UTRN: variants seen among roughly 807,000 people sequenced by gnomAD.
UTRN encodes the protein utrophin.
In UTRN, 283 loss-of-function variants were observed where a neutral mutation model predicts 463.9. That is an observed-to-expected ratio of 0.61 (90% confidence interval 0.55 to 0.67). The LOEUF is 0.67. Ranked by LOEUF, UTRN falls within the 30% of genes least tolerant of loss-of-function variation. The pLI is 0.00. For missense variants in UTRN, 3,922 were observed against 4,084.3 expected, an observed-to-expected ratio of 0.96 and a Z score of 1.08; for synonymous variants, 1,442 against 1,431.5, an observed-to-expected ratio of 1.01 and a Z score of -0.17.
intron 6 of UTRN, among the ~76,000 whole-genome samples, chr6:144,424,943 CTT>C (rs954661057): frequency 3.4e-4 from 52 of 151,998 alleles, no homozygotes; most frequent in Admixed American, 2.3e-3. Flanking sequence ...AATATGAAAA[CTT>C]AGTATATAAT....
intron 50 of UTRN, among the ~76,000 whole-genome samples, chr6:144,562,194 TAAAAA>T (rs1193621873): frequency 6.6e-6 from 1 of 152,130 alleles, no homozygotes; most frequent in East Asian, 1.9e-4. Context: ...ATTATTTATT[TAAAAA>T]AATATTTTAT....
intron 2 of UTRN, among the ~76,000 whole-genome samples, chr6:144,319,982 T>C (rs1370625638): frequency 6.6e-6 from 1 of 152,000 alleles, no homozygotes; most frequent in Non-Finnish European, 1.5e-5. Context: ...GTCTCCTGAA[T>C]AGTTGGGATT....
intron 54 of UTRN, among the ~76,000 whole-genome samples, chr6:144,744,350 G>GTA: frequency 7.3e-6 from 1 of 136,294 alleles, no homozygotes; most frequent in Non-Finnish European, 1.5e-5. Flanking sequence ...GTGTGTGTGT[G>GTA]TGTATAAAAT....
intron 2 of UTRN, among the ~76,000 whole-genome samples, chr6:144,310,454 T>A (rs555063266): frequency 7.5e-4 from 114 of 151,498 alleles, no homozygotes; most frequent in Middle Eastern, 3.4e-3. Context: ...GAGAATCGCT[T>A]GAACCTGGGA....
intron 51 of UTRN, among the ~76,000 whole-genome samples, chr6:144,604,026 C>G (rs1804551330): frequency 6.6e-6 from 1 of 152,136 alleles, no homozygotes; most frequent in Non-Finnish European, 1.5e-5. Flanking sequence ...CTCCATTTTT[C>G]TGCTTCCTTG....
At chr6:144,565,704 C>T (rs930760668) in intron 50 of UTRN, among the ~76,000 whole-genome samples, 14 of 152,250 alleles carry the variant, frequency 9.2e-5, no homozygotes, top group African/African-American at 3.4e-4. Flanking sequence ...TAGGATGACA[C>T]AGCACACTAT....
intron 41 of UTRN, among the ~76,000 whole-genome samples, chr6:144,529,019 T>C (rs185055087): frequency 1.0e-3 from 153 of 152,262 alleles, no homozygotes; most frequent in Admixed American, 1.8e-3. Flanking sequence ...AGTGGAGTTA[T>C]GTTCCCAGGG....
At chr6:144,555,678 A>G (rs755948790) in intron 49 of UTRN, among the ~76,000 whole-genome samples, 1 of 152,180 alleles carries the variant, frequency 6.6e-6, no homozygotes, top group Non-Finnish European at 1.5e-5. Context: ...TAATCTGCTC[A>G]CTTTGGCCTC....
At chr6:144,507,313 A>G (rs1794770677) in intron 34 of UTRN, among the ~76,000 whole-genome samples, 1 of 151,898 alleles carries the variant, frequency 6.6e-6, no homozygotes, top group Admixed American at 6.6e-5. Flanking sequence ...CCTTGCTAGC[A>G]AGGAGTTCTG....
At chr6:144,527,243 T>G (rs1796648210) in intron 41 of UTRN, among the ~76,000 whole-genome samples, 1 of 152,276 alleles carries the variant, frequency 6.6e-6, no homozygotes, top group Non-Finnish European at 1.5e-5. Context: ...CTATCTTTCC[T>G]TCATTTATGA....
chr6:144,738,731 A>G (rs990508560), intron 54 of UTRN, among the ~76,000 whole-genome samples: 1 of 152,224 alleles, frequency 6.6e-6, no homozygotes. Flanking sequence ...AAGAGATTGC[A>G]TTATTTATCC....
At chr6:144,632,481 A>AT (rs1269591163) in intron 51 of UTRN, among the ~76,000 whole-genome samples, 1 of 152,136 alleles carries the variant, frequency 6.6e-6, no homozygotes, top group East Asian at 1.9e-4. Flanking sequence ...TTTCAGAAAT[A>AT]TGAGAAGTGA....
At chr6:144,347,073 A>G (rs973822012) in intron 2 of UTRN, among the ~76,000 whole-genome samples, 16 of 152,228 alleles carry the variant, frequency 1.1e-4, no homozygotes, top group African/African-American at 3.6e-4. Flanking sequence ...GAAGGCCCAG[A>G]TGACTCATGT....
intron 54 of UTRN, among the ~76,000 whole-genome samples, chr6:144,734,962 G>T (rs1348935059): frequency 6.6e-6 from 1 of 151,952 alleles, no homozygotes; most frequent in South Asian, 2.1e-4. Flanking sequence ...AAGACAGAGG[G>T]TTATTTTTTT....
At position 144,793,889 on chromosome 6, in the gene UTRN, C is replaced by G. The variant is rs1586599382; in HGVS notation, c.8976C>G (p.Gly2992=). Reference sequence around the variant, plus strand: ...AAATGTGTGACCAGAGGCAGCTGGGCCTGTTACTTCATGATGCCATCCAGA... The same window carrying G: ...AAATGTGTGACCAGAGGCAGCTGGGGCTGTTACTTCATGATGCCATCCAGA... ...PTEMCDQRQL[G]LLLHDAIQIP... Residue 2992 remains glycine, a synonymous_variant, in exon 63 of 75, where the codon GGC becomes GGG. Coordinates refer to ENST00000367545, the MANE Select transcript of UTRN (RefSeq NM_007124.3). 6.2e-7 allele frequency: 1 copy of G among 1,613,972 alleles called. No homozygotes were observed. Among genetic ancestry groups the G allele is most frequent in the South Asian group, 1.1e-5 (1 of 91,076 alleles).
At chr6:144,826,333 T>A (rs1780182281) in intron 66 of UTRN, among the ~76,000 whole-genome samples, 1 of 152,114 alleles carries the variant, frequency 6.6e-6, no homozygotes, top group African/African-American at 2.4e-5. Flanking sequence ...ACCTACTTTC[T>A]TTGTCTAAGT....
intron 33 of UTRN, among the ~76,000 whole-genome samples, chr6:144,496,670 C>A (rs984997186): frequency 6.6e-6 from 1 of 152,022 alleles, no homozygotes; most frequent in African/African-American, 2.4e-5. Flanking sequence ...TCTAATGGAA[C>A]TTAGGGTAGT....
intron 45 of UTRN, among the ~76,000 whole-genome samples, chr6:144,540,533 T>G (rs568317287): frequency 4.6e-5 from 7 of 152,362 alleles, no homozygotes; most frequent in African/African-American, 1.7e-4. Flanking sequence ...TACTCTAAAC[T>G]TGTGTATGCA....
At chr6:144,407,782 C>T (rs1783544081) in intron 3 of UTRN, among the ~76,000 whole-genome samples, 1 of 152,110 alleles carries the variant, frequency 6.6e-6, no homozygotes, top group Non-Finnish European at 1.5e-5. Flanking sequence ...CTTTTTGCTG[C>T]AAATCCTTGT....
Sources: allele counts gnomAD v4.1 joint callset (sites outside exome capture counted in the v4.1 genomes callset), GRCh38; gene constraint gnomAD v4.1.1; transcripts MANE v1.5; gene names NCBI Gene and HGNC (gene_info 2026-07-23, HGNC 2026-07-21).